The following NUBPL variants were observed in gnomAD, a reference collection of about 807,000 sequenced individuals.
NUBPL encodes iron-sulfur cluster transfer protein NUBPL.
NUBPL carries 31 observed loss-of-function variants against 45.7 expected under a neutral mutation model. The ratio of observed to expected loss-of-function variants is 0.68; its 90% CI spans 0.51 to 0.92. The LOEUF is 0.92. Ranked by LOEUF, NUBPL falls within the 40% of genes least tolerant of loss-of-function variation. The pLI is 0.00. For missense variants in NUBPL, 401 were observed against 398.7 expected (o/e 1.01, Z -0.05); for synonymous variants, 144 against 140.9 (o/e 1.02, Z -0.15).
intron 4 of NUBPL, among the ~76,000 whole-genome samples, chr14:31,609,621 A>G (rs575665100): frequency 7.9e-5 from 12 of 152,336 alleles, no homozygotes; most frequent in African/African-American, 2.9e-4. Context: ...CAGAATACAC[A>G]TTCTTTTCCT....
chr14:31,662,885 A>T (rs1424922621), intron 4 of NUBPL, among the ~76,000 whole-genome samples: 1 of 152,234 alleles, frequency 6.6e-6, no homozygotes, highest in African/African-American at 2.4e-5. Context: ...CTATGTCTCC[A>T]CATCCTCTTC....
chr14:31,848,908 A>AG (rs2040495170), intron 9 of NUBPL, among the ~76,000 whole-genome samples: 4 of 152,218 alleles, frequency 2.6e-5, no homozygotes, highest in Non-Finnish European at 2.9e-5. Context: ...CAGTTCATAA[A>AG]TTGAGAGGAA....
chr14:31,727,071 C>T (rs563419870), intron 6 of NUBPL, among the ~76,000 whole-genome samples: 26 of 152,172 alleles, frequency 1.7e-4, no homozygotes, highest in Non-Finnish European at 2.9e-4. Flanking sequence ...CACCAGAACA[C>T]ACCCATGCTA....
intron 4 of NUBPL, among the ~76,000 whole-genome samples, chr14:31,669,816 T>TTTTTTTTTTTTTTC: frequency 6.7e-6 from 1 of 148,984 alleles, no homozygotes; most frequent in Non-Finnish European, 1.5e-5. Flanking sequence ...TTTGTTTTTT[T>TTTTTTTTTTTTTTC]TTTTTTACGG....
At chr14:31,575,429 A>G (rs1047159919) in intron 3 of NUBPL, among the ~76,000 whole-genome samples, 7 of 152,206 alleles carry the variant, frequency 4.6e-5, no homozygotes, top group Admixed American at 6.5e-5. Context: ...TACCTACCTA[A>G]TAACGTTGTT....
intron 3 of NUBPL, among the ~76,000 whole-genome samples, chr14:31,589,228 G>T (rs1405691635): frequency 6.6e-6 from 1 of 151,742 alleles, no homozygotes; most frequent in African/African-American, 2.4e-5. Context: ...TAATAATTAT[G>T]GTGCCTTGAT....
intron 6 of NUBPL, among the ~76,000 whole-genome samples, chr14:31,745,199 C>T (rs897969721): frequency 6.6e-5 from 10 of 152,024 alleles, no homozygotes; most frequent in African/African-American, 1.9e-4. Context: ...TATCCCTCCC[C>T]GCTCTCCCCA....
At chr14:31,650,637 A>T (rs1334625210) in intron 4 of NUBPL, among the ~76,000 whole-genome samples, 3 of 152,182 alleles carry the variant, frequency 2.0e-5, no homozygotes, top group African/African-American at 7.2e-5. Flanking sequence ...CTTAATGTCT[A>T]TTAGCTACTT....
intron 3 of NUBPL, among the ~76,000 whole-genome samples, chr14:31,567,551 T>C (rs186180374): frequency 6.6e-6 from 1 of 152,354 alleles, no homozygotes; most frequent in East Asian, 1.9e-4. Flanking sequence ...TATTGGACTT[T>C]AGTTGTTATT....
At chr14:31,567,445 G>C (rs1313755313) in intron 3 of NUBPL, among the ~76,000 whole-genome samples, 1 of 152,140 alleles carries the variant, frequency 6.6e-6, no homozygotes, top group African/African-American at 2.4e-5. Flanking sequence ...GGTAGATACT[G>C]ACCTTTATGC....
At chr14:31,563,519 A>G (rs1170983133) in intron 2 of NUBPL, among the ~76,000 whole-genome samples, 1 of 152,184 alleles carries the variant, frequency 6.6e-6, no homozygotes. Context: ...GCTGGCCCAT[A>G]CTTTTTCATA....
At chr14:31,562,423 C>T (rs1256415040) in intron 2 of NUBPL, among the ~76,000 whole-genome samples, 1 of 152,054 alleles carries the variant, frequency 6.6e-6, no homozygotes, top group Non-Finnish European at 1.5e-5. Context: ...CACCCCTTAA[C>T]TCAGGAAAAA....
chr14:31,691,483 T>C (rs1340192324), intron 6 of NUBPL, among the ~76,000 whole-genome samples: 2 of 152,154 alleles, frequency 1.3e-5, no homozygotes, highest in African/African-American at 4.8e-5. Flanking sequence ...ATTTCTAAGC[T>C]CTGTGTTGTT....
chr14:31,572,603 A>AT (rs1268641289), intron 3 of NUBPL, among the ~76,000 whole-genome samples: 5 of 152,152 alleles, frequency 3.3e-5, no homozygotes, highest in African/African-American at 4.8e-5. Context: ...GTTTTACTTT[A>AT]TTTTTTGTGA....
intron 1 of NUBPL, 65 bp downstream of exon 1, chr14:31,561,612 C>A: frequency 9.4e-7 from 1 of 1,066,852 alleles, no homozygotes; most frequent in Non-Finnish European, 1.2e-6. Flanking sequence ...GCCGCAGATG[C>A]CCTGGCATTG....
intron 6 of NUBPL, among the ~76,000 whole-genome samples, chr14:31,678,122 G>C (rs994215038): frequency 6.6e-6 from 1 of 152,212 alleles, no homozygotes; most frequent in Admixed American, 6.5e-5. Context: ...GGCTTCCACT[G>C]ATGTTCACTT....
chr14:31,738,934 G>A (rs1028940270), intron 6 of NUBPL, among the ~76,000 whole-genome samples: 3 of 151,826 alleles, frequency 2.0e-5, no homozygotes, highest in African/African-American at 7.3e-5. Flanking sequence ...AATTTTAGAG[G>A]CTTGAAGAAT....
chr14:31,837,340 A>G (rs929870731), intron 8 of NUBPL, among the ~76,000 whole-genome samples: 5 of 152,182 alleles, frequency 3.3e-5, no homozygotes, highest in African/African-American at 1.2e-4. Flanking sequence ...CAAAAAAAAC[A>G]AAAATTCATT....
chr14:31,733,090 A>G (rs2038088832), intron 6 of NUBPL, among the ~76,000 whole-genome samples: 1 of 152,166 alleles, frequency 6.6e-6, no homozygotes, highest in South Asian at 2.1e-4. Context: ...TTTCCTATAC[A>G]GATGTCCAGT....
Sources: allele counts gnomAD v4.1 joint callset (sites outside exome capture counted in the v4.1 genomes callset), GRCh38; gene constraint gnomAD v4.1.1; transcripts MANE v1.5; gene names NCBI Gene and HGNC (gene_info 2026-07-23, HGNC 2026-07-21).